Variants in MAF observed in about 807,000 individuals in gnomAD.
MAF encodes the protein transcription factor Maf.
MAF carries 10 observed loss-of-function variants against 22.0 expected under a neutral mutation model. The observed-to-expected ratio is 0.45, with a 90% CI of 0.28 to 0.77. The LOEUF (loss-of-function observed/expected upper bound fraction) is 0.77, where lower values mean the gene tolerates loss of function less well. Ranked by LOEUF, MAF falls within the 30% of genes least tolerant of loss-of-function variation. The pLI, the probability that MAF is intolerant of heterozygous loss-of-function variation, is 0.12. For missense variants in MAF, 544 were observed against 548.4 expected (o/e 0.99, Z 0.08); for synonymous variants, 337 against 255.8 (o/e 1.32, Z -3.03).
chr16:79,524,918 A>C, the MAF span, among the ~76,000 whole-genome samples: 3 of 152,210 alleles, frequency 2.0e-5, no homozygotes, highest in Admixed American at 6.5e-5. Flanking sequence ...GCACACAGAT[A>C]CAGCCACGTG....
chr16:79,219,680 G>A, the MAF span, among the ~76,000 whole-genome samples: 1 of 149,886 alleles, frequency 6.7e-6, no homozygotes, highest in East Asian at 2.0e-4. Flanking sequence ...TGCCACCATT[G>A]TACGTCTCCA....
chr16:79,384,255 C>T, the MAF span, among the ~76,000 whole-genome samples: 1 of 151,632 alleles, frequency 6.6e-6, no homozygotes, highest in African/African-American at 2.4e-5. Flanking sequence ...ACCAGCCTGG[C>T]CAACATGGTG....
In MAF at chr16:79,599,189, G is replaced by A; in HGVS notation, c.714C>T (p.Gly238=). The A allele has an allele frequency of 2.9e-6, 3 of 1,051,192 alleles. No individual in the cohort carries two copies. Among genetic ancestry groups the A allele is most frequent in the South Asian group, 4.4e-5 (1 of 22,634 alleles). The allele number at this position is 1,051,192 out of a possible 1,614,324, so 65.1% of individuals were successfully genotyped here. ...GCAGGGCGCCCCCCGCCCCCGCCGC[G>A]CCCCCGCCGCCTCCGCCGCCGCCGC... ...GGGGGGGGGG[G]AAGAGGALHP... Residue 238 remains glycine, a synonymous_variant, in exon 1 of 2, where the codon GGC becomes GGT. Coordinates refer to ENST00000326043, the MANE Select transcript of MAF (RefSeq NM_005360.5).
the MAF span, among the ~76,000 whole-genome samples, chr16:79,396,874 T>C: frequency 6.6e-6 from 1 of 152,210 alleles, no homozygotes; most frequent in African/African-American, 2.4e-5. Flanking sequence ...TTAACACACA[T>C]TGTAAGCACT....
At chr16:79,206,112 C>T in the MAF span, 6 of 152,088 alleles carry the variant, frequency 3.9e-5, no homozygotes, top group Middle Eastern at 3.2e-3. Flanking sequence ...AATTTAGCTC[C>T]ATGAGTAAAT....
chr16:79,598,340 G>A (rs1913696582), intron 1 of MAF: 1 of 1,103,060 alleles, frequency 9.1e-7, no homozygotes, highest in East Asian at 4.3e-5. Context: ...TGAAGGGGAA[G>A]AAGAAGAAAA....
At chr16:79,427,199 A>G in the MAF span, among the ~76,000 whole-genome samples, 1 of 152,346 alleles carries the variant, frequency 6.6e-6, no homozygotes, top group East Asian at 1.9e-4. Flanking sequence ...CATAAATGTG[A>G]GGAGTAGGCA....
At chr16:79,431,309 A>C in the MAF span, among the ~76,000 whole-genome samples, 1 of 152,186 alleles carries the variant, frequency 6.6e-6, no homozygotes, top group African/African-American at 2.4e-5. Context: ...GAAGTTAAAG[A>C]GTTAAGGGCC....
the MAF span, among the ~76,000 whole-genome samples, chr16:79,545,924 G>C: frequency 6.6e-6 from 1 of 151,908 alleles, no homozygotes; most frequent in Non-Finnish European, 1.5e-5. Context: ...ATAAGTATGT[G>C]GGGTAATGCA....
chr16:79,521,662 C>T, the MAF span, among the ~76,000 whole-genome samples: 1 of 152,214 alleles, frequency 6.6e-6, no homozygotes, highest in South Asian at 2.1e-4. Context: ...CACGCAGCCA[C>T]ATCTTTCCAG....
At chr16:79,490,686 T>C in the MAF span, among the ~76,000 whole-genome samples, 1 of 152,134 alleles carries the variant, frequency 6.6e-6, no homozygotes, top group Non-Finnish European at 1.5e-5. Flanking sequence ...GTTACAGAGA[T>C]TGGAAAGTGG....
the MAF span, among the ~76,000 whole-genome samples, chr16:79,528,306 T>C: frequency 2.0e-5 from 3 of 152,148 alleles, no homozygotes; most frequent in Non-Finnish European, 2.9e-5. Flanking sequence ...TGGTATGATG[T>C]TCTAGAATCA....
the MAF span, among the ~76,000 whole-genome samples, chr16:79,438,061 T>C: frequency 9.2e-5 from 14 of 152,044 alleles, no homozygotes; most frequent in South Asian, 2.9e-3. Context: ...GCCTGTCTCT[T>C]AGAGACGCCA....
At chr16:79,326,935 G>C in the MAF span, among the ~76,000 whole-genome samples, 1 of 152,168 alleles carries the variant, frequency 6.6e-6, no homozygotes, top group Admixed American at 6.5e-5. Context: ...GATTCCAGAT[G>C]GGATAAGCTG....
chr16:79,270,866 C>A, the MAF span, among the ~76,000 whole-genome samples: 2 of 151,640 alleles, frequency 1.3e-5, 1 homozygote, highest in Non-Finnish European at 2.9e-5. Flanking sequence ...CACACTCTGT[C>A]CCTCTAATTT....
chr16:79,219,518 T>A, the MAF span, among the ~76,000 whole-genome samples: 22 of 119,150 alleles, frequency 1.8e-4, 1 homozygote, highest in African/African-American at 7.2e-4. Flanking sequence ...GCCACTGCAC[T>A]CCAGCCTGGG....
At chr16:79,592,786 C>A (rs1042851871), downstream of MAF, among the ~76,000 whole-genome samples, 3 of 152,102 alleles carry the variant, frequency 2.0e-5, no homozygotes, top group Admixed American at 6.5e-5. Flanking sequence ...CTAAAAAAAA[C>A]CAAACAAACA....
the MAF span, among the ~76,000 whole-genome samples, chr16:79,231,096 G>C: frequency 1.6e-4 from 24 of 152,034 alleles, 1 homozygote; most frequent in Non-Finnish European, 2.6e-4. Context: ...CAGGAAAAAT[G>C]GAGTAAAAAT....
the MAF span, among the ~76,000 whole-genome samples, chr16:79,305,541 G>A: frequency 5.9e-5 from 9 of 152,150 alleles, no homozygotes; most frequent in East Asian, 1.9e-4. Context: ...GATGGGAAAC[G>A]AGGCTGTGAG....
Sources: gnomAD v4.1 joint callset for allele counts (sites outside exome capture counted in the v4.1 genomes callset) on GRCh38, gnomAD v4.1.1 for gene constraint, MANE v1.5 for transcripts, NCBI Gene and HGNC (gene_info 2026-07-23, HGNC 2026-07-21) for gene names.